KAT6A: variants seen among roughly 807,000 people sequenced by gnomAD.
KAT6A encodes lysine acetyltransferase 6A.
Under a neutral mutation model 198.4 loss-of-function variants are expected in KAT6A, and 9 were observed. That is an observed-to-expected ratio of 0.05 (90% CI 0.03 to 0.08). The LOEUF (loss-of-function observed/expected upper bound fraction) is 0.08, where lower values mean the gene tolerates loss of function less well. Among genes scored for constraint, KAT6A ranks in the 10% least tolerant of loss-of-function variants. KAT6A has a pLI of 1.00. For synonymous variants in KAT6A, 890 were observed against 883.0 expected (o/e 1.01, Z -0.14); for missense variants, 2,077 against 2,509.9 (o/e 0.83, Z 3.69).
intron 2 of KAT6A, among the ~76,000 whole-genome samples, chr8:42,002,436 CTGTAA>C (rs1365271103): frequency 6.6e-6 from 1 of 152,150 alleles, no homozygotes; most frequent in African/African-American, 2.4e-5. Flanking sequence ...TGGTGTGTGC[CTGTAA>C]TCCCAGCTAC....
intron 8 of KAT6A, among the ~76,000 whole-genome samples, chr8:41,965,345 T>C (rs1350262706): frequency 6.6e-6 from 1 of 152,214 alleles, no homozygotes; most frequent in African/African-American, 2.4e-5. Context: ...ATTAAAACCA[T>C]CCTCAGCTTG....
At position 41,980,206 on chromosome 8, in the gene KAT6A, C is replaced by A. The variant is rs546917211; in HGVS notation, c.907+640G>T. ...TCTGGCTGAAGTTTTTTTTAAAGAA[C>A]CTATAAGCATATGAATATGGAAGTC... On this transcript the variant is annotated intron_variant, in intron 5 of 16. Transcript: ENST00000265713. Among the ~76,000 whole-genome samples, 8 of 151,784 alleles carry A rather than the reference C, an allele frequency of 5.3e-5. No individual in the cohort carries two copies. The East Asian group carries it at 1.6e-3, about 29-fold the overall frequency.
intron 8 of KAT6A, among the ~76,000 whole-genome samples, chr8:41,967,529 G>A (rs1367664862): frequency 7.0e-6 from 1 of 142,478 alleles, no homozygotes; most frequent in African/African-American, 2.6e-5. Context: ...TCCCACCTAT[G>A]AGTGAGAATA....
chr8:41,993,116 A>G (rs1825022877), intron 2 of KAT6A, among the ~76,000 whole-genome samples: 1 of 152,172 alleles, frequency 6.6e-6, no homozygotes, highest in East Asian at 1.9e-4. Flanking sequence ...TTTATATATG[A>G]TCAGTTTCAC....
At chr8:41,958,118 CA>C (rs1823019444) in intron 8 of KAT6A, 1 of 152,076 alleles carries the variant, frequency 6.6e-6, no homozygotes, top group Admixed American at 6.6e-5. Flanking sequence ...AACATTTTCC[CA>C]CAGAAACACT....
chr8:41,940,879 G>A lies in KAT6A; in HGVS notation c.3002C>T (p.Ser1001Leu), dbSNP rs1050725078. 6 of 1,613,306 alleles carry A rather than the reference G, an allele frequency of 3.7e-6. No homozygotes were observed. Among genetic ancestry groups the A allele is most frequent in the Non-Finnish European group, 5.1e-6 (6 of 1,179,956 alleles). ...CGTGGGCTTTGTGAGAATTGGTGGC[G>A]AGCTTGACCGAGGGCTTTCCGGCTC... ...EEEPESPRSS[S>L]PPILTKPTLK... Residue 1001 changes from serine to leucine, a missense_variant, in exon 15 of 17, where the codon TCG becomes TTG. Physicochemically the swap from Ser to Leu is moderately radical, Grantham distance 145. This residue lies in a region of KAT6A where 301 missense variants were observed against 272.2 expected (regional missense o/e 1.11). Transcript: ENST00000265713.
At chr8:42,013,366 CT>C (rs1826115505) in intron 2 of KAT6A, among the ~76,000 whole-genome samples, 1 of 151,574 alleles carries the variant, frequency 6.6e-6, no homozygotes, top group South Asian at 2.1e-4. Context: ...AGCGATTCTC[CT>C]GTCTCAGCCG....
At chr8:41,955,976 T>C (rs1392745293) in intron 8 of KAT6A, among the ~76,000 whole-genome samples, 1 of 152,234 alleles carries the variant, frequency 6.6e-6, no homozygotes, top group East Asian at 1.9e-4. Context: ...CCTTCATTAG[T>C]AGCTCTGCAT....
At chr8:41,935,211 A>G (rs778763580) in intron 16 of KAT6A, among the ~76,000 whole-genome samples, 1 of 152,244 alleles carries the variant, frequency 6.6e-6, no homozygotes, top group African/African-American at 2.4e-5. Context: ...TGAACTTTAT[A>G]AAGAGGCAAA....
At chr8:42,000,217 G>C (rs1825418650) in intron 2 of KAT6A, among the ~76,000 whole-genome samples, 1 of 152,168 alleles carries the variant, frequency 6.6e-6, no homozygotes, top group Admixed American at 6.5e-5. Flanking sequence ...TTGAGTATAA[G>C]AGCATTAGCA....
chr8:41,962,094 T>C (rs528633905), intron 8 of KAT6A, among the ~76,000 whole-genome samples: 74 of 152,336 alleles, frequency 4.9e-4, no homozygotes, highest in African/African-American at 1.8e-3. Flanking sequence ...TACACCTTCA[T>C]GTTTTTTTTC....
Position 42,049,216 on chromosome 8 carries a change from C to T in KAT6A, c.-239G>A. ...AACTTCCCAATGAATTTCTCAATAG[C>T]ACCACACATGGGTCTCGTCATAAAG... On this transcript the variant is annotated 5_prime_UTR_variant, in exon 2 of 17. Coordinates refer to ENST00000265713, the MANE Select transcript of KAT6A (RefSeq NM_006766.5). 1 of 498,266 alleles carries T rather than the reference C, an allele frequency of 2.0e-6. No individual in the cohort carries two copies. 30.9% of individuals were successfully genotyped at this position (498,266 alleles called of 1,614,324 possible). A position where few individuals can be genotyped will look rare whatever the true frequency, so the allele number is the denominator to read the frequency against.
At chr8:41,961,462 G>T (rs368234441) in intron 8 of KAT6A, among the ~76,000 whole-genome samples, 1 of 152,114 alleles carries the variant, frequency 6.6e-6, no homozygotes, top group African/African-American at 2.4e-5. Flanking sequence ...TTTAAAAAGG[G>T]GGAGAGGGGT....
At chr8:41,982,971 G>T (rs1027806652) in intron 3 of KAT6A, among the ~76,000 whole-genome samples, 2 of 152,084 alleles carry the variant, frequency 1.3e-5, no homozygotes, top group African/African-American at 4.8e-5. Context: ...GAATAAGGGG[G>T]ACTCCTGTAT....
At chr8:42,015,081 AGAG>A (rs1826208217) in intron 2 of KAT6A, among the ~76,000 whole-genome samples, 1 of 152,258 alleles carries the variant, frequency 6.6e-6, no homozygotes, top group African/African-American at 2.4e-5. Context: ...AAGGCAGAAG[AGAG>A]GAGAACAATA....
At chr8:42,022,431 T>C (rs1331528694) in intron 2 of KAT6A, among the ~76,000 whole-genome samples, 1 of 151,898 alleles carries the variant, frequency 6.6e-6, no homozygotes, top group Non-Finnish European at 1.5e-5. Flanking sequence ...TTTTGGAAAA[T>C]CAGGGTTAAA....
At chr8:42,041,388 C>T (rs1358676703) in intron 2 of KAT6A, among the ~76,000 whole-genome samples, 1 of 152,172 alleles carries the variant, frequency 6.6e-6, no homozygotes, top group Non-Finnish European at 1.5e-5. Flanking sequence ...TTCTAGGCCA[C>T]TGCTCCTGGT....
chr8:42,046,200 A>T (rs1802282847), intron 2 of KAT6A, among the ~76,000 whole-genome samples: 1 of 152,328 alleles, frequency 6.6e-6, no homozygotes, highest in Non-Finnish European at 1.5e-5. Flanking sequence ...AATATTTTTT[A>T]AAATTATCTA....
chr8:41,946,285 T>C (rs1379005604), intron 12 of KAT6A, among the ~76,000 whole-genome samples: 1 of 151,974 alleles, frequency 6.6e-6, no homozygotes, highest in Non-Finnish European at 1.5e-5. Context: ...AAATTTTTTG[T>C]AGAGACAGGG....
Sources: allele counts gnomAD v4.1 joint callset (sites outside exome capture counted in the v4.1 genomes callset), GRCh38; gene constraint gnomAD v4.1.1; regional missense constraint gnomAD v4.1.1; transcripts MANE v1.5; gene names NCBI Gene and HGNC (gene_info 2026-07-23, HGNC 2026-07-21).